Variants in FXYD6 observed in about 807,000 individuals in gnomAD.
The protein encoded by FXYD6 is FXYD domain containing ion transport regulator 6.
Under a neutral mutation model 16.7 loss-of-function variants are expected in FXYD6, and 7 were observed. The ratio of observed to expected loss-of-function variants is 0.42; its 90% CI spans 0.24 to 0.79. FXYD6 has a LOEUF of 0.79. FXYD6 is among the 30% of genes least tolerant of loss of function. FXYD6 has a pLI of 0.28. For missense variants in FXYD6, 111 were observed against 116.2 expected, an observed-to-expected ratio of 0.95 and a Z score of 0.21; for synonymous variants, 49 against 43.0, an observed-to-expected ratio of 1.14 and a Z score of -0.54.
chr11:117,864,817 C>T (rs952947696), intron 1 of FXYD6, among the ~76,000 whole-genome samples: 2 of 152,176 alleles, frequency 1.3e-5, no homozygotes, highest in South Asian at 4.1e-4. Context: ...GAACTCCTGA[C>T]CTCGTGATCC....
chr11:117,860,704 C>T (rs1453779163), intron 1 of FXYD6, among the ~76,000 whole-genome samples: 1 of 152,214 alleles, frequency 6.6e-6, no homozygotes, highest in Non-Finnish European at 1.5e-5. Context: ...AGGCTATGAT[C>T]AAGGTCAAGT....
intron 1 of FXYD6, among the ~76,000 whole-genome samples, chr11:117,865,877 G>A (rs1003834101): frequency 6.6e-5 from 10 of 151,498 alleles, no homozygotes; most frequent in South Asian, 2.1e-4. Flanking sequence ...CAGTGAGATC[G>A]TGCCATTGCA....
In FXYD6 at chr11:117,837,366, C is replaced by A; in HGVS notation, c.*933G>T. 1 of 152,718 alleles carries A rather than the reference C, an allele frequency of 6.5e-6. No homozygotes were observed. Among genetic ancestry groups the A allele is most frequent in the Non-Finnish European group, 1.5e-5 (1 of 68,094 alleles). 9.5% of individuals were successfully genotyped at this position (152,718 alleles called of 1,614,324 possible). Reference sequence around the variant, plus strand: ...CAGGAGTCCTTCAACTATTGCCTGCCAGAGACCCAATTGCAGGGACTGTAG... The same window carrying A: ...CAGGAGTCCTTCAACTATTGCCTGCAAGAGACCCAATTGCAGGGACTGTAG... On this transcript the variant is annotated 3_prime_UTR_variant, in exon 8 of 8. Transcript: ENST00000526014. The surrounding 1 kb of genome is among the most constrained non-coding windows in gnomAD (Gnocchi z 4.4).
intron 7 of FXYD6, 87 bp downstream of exon 7, chr11:117,839,694 C>A (rs1034922939): frequency 4.6e-5 from 70 of 1,531,722 alleles, no homozygotes; most frequent in Non-Finnish European, 5.9e-5. Context: ...CAAAAGCTAG[C>A]CCCATCCTTC....
At chr11:117,848,977 TAAAC>T (rs1460884197) in intron 1 of FXYD6, among the ~76,000 whole-genome samples, 2 of 152,206 alleles carry the variant, frequency 1.3e-5, no homozygotes, top group African/African-American at 2.4e-5. Context: ...ATTCTGCCCT[TAAAC>T]AATCTCTGGG....
At chr11:117,866,498 T>C (rs1192980919) in intron 1 of FXYD6, among the ~76,000 whole-genome samples, 2 of 152,196 alleles carry the variant, frequency 1.3e-5, no homozygotes, top group Non-Finnish European at 2.9e-5. Flanking sequence ...TTTCACATTT[T>C]CTTGCCCAAC....
intron 1 of FXYD6, among the ~76,000 whole-genome samples, chr11:117,867,530 A>G (rs967024619): frequency 2.0e-5 from 3 of 152,012 alleles, no homozygotes; most frequent in Admixed American, 2.0e-4. Flanking sequence ...TAACCTTTCT[A>G]AAGTGTATTC....
intron 1 of FXYD6, among the ~76,000 whole-genome samples, chr11:117,855,298 G>T (rs1306571679): frequency 6.6e-6 from 1 of 152,162 alleles, no homozygotes; most frequent in African/African-American, 2.4e-5. Flanking sequence ...TCCCAGCCTG[G>T]GCTACATCAA....
At chr11:117,869,384 T>A (rs1245854379) in intron 1 of FXYD6, among the ~76,000 whole-genome samples, 2 of 152,130 alleles carry the variant, frequency 1.3e-5, no homozygotes, top group African/African-American at 2.4e-5. Context: ...GGCCTTTCCC[T>A]CTCCTGTCAG....
At position 117,838,234 on chromosome 11, in the gene FXYD6, C is replaced by T. The variant is rs1473782554; in HGVS notation, c.*65G>A. 5 of 702,586 alleles carry T rather than the reference C, an allele frequency of 7.1e-6. No individual in the cohort carries two copies. The East Asian group carries it at 1.1e-4, about 15-fold the overall frequency. The allele number at this position is 702,586 out of a possible 1,614,324, so 43.5% of individuals were successfully genotyped here. A position where few individuals can be genotyped will look rare whatever the true frequency, so the allele number is the denominator to read the frequency against. ...AGTGGCCGGTTTTCTTAAGCATCGACATTTGCATCCAAAGGTTCAAGCAGC... is the reference window on the plus strand; with the variant it reads ...AGTGGCCGGTTTTCTTAAGCATCGATATTTGCATCCAAAGGTTCAAGCAGC... On this transcript the variant is annotated 3_prime_UTR_variant, in exon 8 of 8. Coordinates refer to ENST00000526014, the MANE Select transcript of FXYD6 (RefSeq NM_022003.4).
rs1300342703 is a variant in FXYD6, at chr11:117,870,143, G to C, written c.-6+6449C>G. ...AAGCAGAAACACAGAACAGTACTGC[G>C]AGGCCAACTCAGGCACAGGCCAATG... On this transcript the variant is annotated intron_variant, in intron 1 of 7. Coordinates refer to ENST00000526014, the MANE Select transcript of FXYD6 (RefSeq NM_022003.4). This position sits in a 1 kb window ranked among gnomAD's most constrained non-coding sequence, Gnocchi z 4.2. Among the ~76,000 whole-genome samples the C allele has an allele frequency of 6.6e-6, 1 of 152,272 alleles. No homozygotes were observed. The highest frequency in any genetic ancestry group is 1.5e-5 in the Non-Finnish European group (1 of 68,048).
chr11:117,868,631 C>A (rs1444445242), intron 1 of FXYD6, among the ~76,000 whole-genome samples: 1 of 152,090 alleles, frequency 6.6e-6, no homozygotes, highest in Non-Finnish European at 1.5e-5. Context: ...AAACGAACGA[C>A]ATTTTAATAA....
chr11:117,865,660 T>A (rs1591589003), intron 1 of FXYD6, among the ~76,000 whole-genome samples: 1 of 151,862 alleles, frequency 6.6e-6, no homozygotes, highest in Admixed American at 6.6e-5. Flanking sequence ...GCACGGTGGG[T>A]CATGCCTGTA....
intron 5 of FXYD6, among the ~76,000 whole-genome samples, 181 bp downstream of exon 5, chr11:117,840,967 C>G (rs998763876): frequency 1.3e-5 from 2 of 152,116 alleles, no homozygotes; most frequent in Non-Finnish European, 2.9e-5. Context: ...ATGTTTTGAC[C>G]TCTCCTTTGC....
chr11:117,863,646 G>T (rs1023872784), intron 1 of FXYD6, among the ~76,000 whole-genome samples: 6 of 152,136 alleles, frequency 3.9e-5, no homozygotes, highest in African/African-American at 1.4e-4. Context: ...TAAGTAAAAG[G>T]CATCCAAATT....
intron 1 of FXYD6, among the ~76,000 whole-genome samples, chr11:117,866,338 A>G (rs191651704): frequency 6.6e-6 from 1 of 152,270 alleles, no homozygotes; most frequent in East Asian, 1.9e-4. Flanking sequence ...CTGGGGGGGA[A>G]ATGGGTATAG....
chr11:117,848,243 C>T (rs2056519474), intron 1 of FXYD6, among the ~76,000 whole-genome samples: 2 of 152,166 alleles, frequency 1.3e-5, no homozygotes, highest in African/African-American at 4.8e-5. Context: ...GAAAGTTCCC[C>T]TCTAATCCTG....
intron 1 of FXYD6, among the ~76,000 whole-genome samples, chr11:117,850,513 G>C (rs759313487): frequency 4.8e-4 from 73 of 152,260 alleles, no homozygotes; most frequent in Non-Finnish European, 8.4e-4. Context: ...CAGGCTTTCT[G>C]TATTAATTGT....
intron 1 of FXYD6, among the ~76,000 whole-genome samples, chr11:117,859,140 T>C (rs1591579353): frequency 6.6e-6 from 1 of 152,174 alleles, no homozygotes; most frequent in African/African-American, 2.4e-5. Context: ...TATGTGGCTA[T>C]GAGATACATC....
Sources: gnomAD v4.1 joint callset for allele counts (sites outside exome capture counted in the v4.1 genomes callset) on GRCh38, gnomAD v4.1.1 for gene constraint, Gnocchi (gnomAD v3.1) non-coding constraint, MANE v1.5 for transcripts, NCBI Gene and HGNC (gene_info 2026-07-23, HGNC 2026-07-21) for gene names.